The following A1CF variants were observed in gnomAD, a reference collection of about 807,000 sequenced individuals.
A1CF encodes the protein APOBEC-1 stimulating protein.
Under a neutral mutation model 68.9 loss-of-function variants are expected in A1CF, and 48 were observed. The ratio of observed to expected loss-of-function variants is 0.70; its 90% CI spans 0.55 to 0.89. A1CF has a LOEUF of 0.89. Ranked by LOEUF, A1CF falls within the 40% of genes least tolerant of loss-of-function variation. A1CF has a pLI of 0.00. For synonymous variants in A1CF, 272 were observed against 260.4 expected, an observed-to-expected ratio of 1.04 and a Z score of -0.43; for missense variants, 653 against 718.9, an observed-to-expected ratio of 0.91 and a Z score of 1.05.
At chr10:50,847,021 T>C (rs1840032020) in intron 3 of A1CF, among the ~76,000 whole-genome samples, 1 of 152,114 alleles carries the variant, frequency 6.6e-6, no homozygotes, top group Non-Finnish European at 1.5e-5. Context: ...GAAAGGACAG[T>C]TGGGCTCTGG....
chr10:50,833,911 T>A (rs192053623), intron 6 of A1CF, among the ~76,000 whole-genome samples: 1 of 151,676 alleles, frequency 6.6e-6, no homozygotes, highest in South Asian at 2.1e-4. Context: ...GGTAAGGGGG[T>A]TGCATTGGAT....
intron 11 of A1CF, 77 bp from the exon 12 acceptor site, chr10:50,810,119 G>C: frequency 1.3e-6 from 2 of 1,537,728 alleles, no homozygotes; most frequent in Non-Finnish European, 1.8e-6. Context: ...GGCACTATCA[G>C]CTTTGTAAGA....
Position 50,813,942 on chromosome 10 carries a change from T to C in A1CF, c.1238A>G (p.Lys413Arg), listed in dbSNP as rs1380193798. ...CATCCCAGGTAAAATGTCATAGAGT[T>C]TGTCTTCTCTTTTGTCTCCTTTGAC... ...YQVKGDKRED[K>R]LYDILPGMEL... is the part of the protein sequence containing the mutation. The change falls in exon 10 of 13, where the codon AAA becomes AGA. Residue 413 changes from lysine (K) to arginine (R), a missense_variant. Physicochemically the swap from Lys to Arg is conservative, Grantham distance 26. Transcript: ENST00000373997. The C allele has an allele frequency of 1.9e-6, 3 of 1,613,908 alleles. No homozygotes were observed. The highest frequency in any genetic ancestry group is 2.5e-6 in the Non-Finnish European group (3 of 1,179,868).
At chr10:50,822,068 T>C (rs1838703243) in intron 7 of A1CF, among the ~76,000 whole-genome samples, 1 of 152,222 alleles carries the variant, frequency 6.6e-6, no homozygotes, top group Admixed American at 6.5e-5. Context: ...ATATATTTGG[T>C]ATTTTACAAA....
intron 1 of A1CF, among the ~76,000 whole-genome samples, 168 bp downstream of exon 1, chr10:50,885,413 C>A (rs993756890): frequency 3.3e-5 from 5 of 152,132 alleles, no homozygotes; most frequent in African/African-American, 4.8e-5. Context: ...CCAATATATT[C>A]TTTTGTTTTC....
chr10:50,825,241 T>C (rs1380322106), intron 7 of A1CF, among the ~76,000 whole-genome samples: 1 of 152,098 alleles, frequency 6.6e-6, no homozygotes, highest in Non-Finnish European at 1.5e-5. Context: ...CCCACCCTTA[T>C]TAACAACCTA....
intron 7 of A1CF, among the ~76,000 whole-genome samples, chr10:50,825,940 G>T (rs1241124488): frequency 1.3e-5 from 2 of 152,116 alleles, no homozygotes; most frequent in East Asian, 1.9e-4. Flanking sequence ...CATCTTGGAG[G>T]TTGCTACTGG....
chr10:50,815,601 G>A (rs1264202460), intron 9 of A1CF, among the ~76,000 whole-genome samples: 1 of 152,148 alleles, frequency 6.6e-6, no homozygotes, highest in Non-Finnish European at 1.5e-5. Flanking sequence ...CCTTGAAAGG[G>A]TTTTGCTATT....
intron 1 of A1CF, among the ~76,000 whole-genome samples, chr10:50,876,774 T>A (rs1841533615): frequency 6.6e-6 from 1 of 152,228 alleles, no homozygotes; most frequent in South Asian, 2.1e-4. Context: ...TATAATTGCA[T>A]GAGCCAATCC....
At chr10:50,885,178 T>G (rs910519996) in intron 1 of A1CF, among the ~76,000 whole-genome samples, 1 of 152,176 alleles carries the variant, frequency 6.6e-6, no homozygotes, top group African/African-American at 2.4e-5. Flanking sequence ...CACACAGAAC[T>G]CAAAATCTGC....
chr10:50,871,522 A>T (rs1196989642), intron 1 of A1CF, among the ~76,000 whole-genome samples: 1 of 152,184 alleles, frequency 6.6e-6, no homozygotes, highest in East Asian at 1.9e-4. Context: ...GGGCAGGAAC[A>T]ATGTGCAATA....
Position 50,803,555 on chromosome 10 carries a change from G to A in A1CF, c.*3174C>T, listed in dbSNP as rs964190603. ...ATATTTTGTTGCAGTTGAAGGTGCTGTTCTAGATATACTAATGCAGTGGGA... is the reference window on the plus strand; with the variant it reads ...ATATTTTGTTGCAGTTGAAGGTGCTATTCTAGATATACTAATGCAGTGGGA... On this transcript the variant is annotated 3_prime_UTR_variant, in exon 13 of 13. Coordinates refer to ENST00000373997, the MANE Select transcript of A1CF (RefSeq NM_014576.4). The A allele has an allele frequency of 1.3e-5, 2 of 152,190 alleles. No homozygotes were observed. Among genetic ancestry groups the A allele is most frequent in the East Asian group, 1.9e-4 (1 of 5,196 alleles). 9.4% of individuals were successfully genotyped at this position (152,190 alleles called of 1,614,324 possible).
At chr10:50,852,193 C>A (rs1043288946) in intron 3 of A1CF, among the ~76,000 whole-genome samples, 1 of 152,160 alleles carries the variant, frequency 6.6e-6, no homozygotes, top group South Asian at 2.1e-4. Flanking sequence ...TACCTTGTGT[C>A]GTTTATGAAG....
intron 1 of A1CF, among the ~76,000 whole-genome samples, chr10:50,885,081 G>C (rs963578153): frequency 2.0e-5 from 3 of 152,134 alleles, no homozygotes; most frequent in Non-Finnish European, 4.4e-5. Context: ...CGCAAGAGTT[G>C]TACCAAGACT....
At chr10:50,848,286 C>T (rs1840087620) in intron 3 of A1CF, among the ~76,000 whole-genome samples, 1 of 152,100 alleles carries the variant, frequency 6.6e-6, no homozygotes, top group East Asian at 1.9e-4. Flanking sequence ...AAACTAAGTC[C>T]AGAGATACAT....
chr10:50,841,819 G>A (rs1196491516), intron 5 of A1CF, 43 bp downstream of exon 5: 50 of 1,605,066 alleles, frequency 3.1e-5, no homozygotes, highest in Non-Finnish European at 3.8e-5. Context: ...AGACACAGGT[G>A]CATTGTTTGT....
At chr10:50,829,270 C>T (rs565108290) in intron 6 of A1CF, among the ~76,000 whole-genome samples, 25 of 152,132 alleles carry the variant, frequency 1.6e-4, no homozygotes, top group Middle Eastern at 3.4e-3. Context: ...TATACCCCTA[C>T]GCAGTGCAGA....
At chr10:50,880,393 T>A (rs753004186) in intron 1 of A1CF, among the ~76,000 whole-genome samples, 45 of 152,212 alleles carry the variant, frequency 3.0e-4, no homozygotes, top group Non-Finnish European at 2.9e-5. Context: ...CCTATGTGCC[T>A]GGCATGTGGC....
At chr10:50,850,917 T>A (rs948574307) in intron 3 of A1CF, 5 of 1,289,130 alleles carry the variant, frequency 3.9e-6, no homozygotes, top group Non-Finnish European at 5.2e-6. Context: ...CTTTTTTGTT[T>A]ACTTACAATT....
Sources: gnomAD v4.1 joint callset for allele counts (sites outside exome capture counted in the v4.1 genomes callset) on GRCh38, gnomAD v4.1.1 for gene constraint, MANE v1.5 for transcripts, NCBI Gene and HGNC (gene_info 2026-07-23, HGNC 2026-07-21) for gene names.